ANKS1B: variants seen among roughly 807,000 people sequenced by gnomAD.
ANKS1B encodes the protein ankyrin repeat and sterile alpha motif domain containing 1B.
A neutral mutation model predicts 148.3 loss-of-function variants in ANKS1B; 36 were observed. The ratio of observed to expected loss-of-function variants is 0.24; its 90% CI spans 0.19 to 0.32. The LOEUF (loss-of-function observed/expected upper bound fraction) is 0.32, where lower values mean the gene tolerates loss of function less well. Among genes scored for constraint, ANKS1B ranks in the 10% least tolerant of loss-of-function variants. ANKS1B has a pLI of 1.00. For missense variants in ANKS1B, 1,157 were observed against 1,542.6 expected (o/e 0.75, Z 4.19); for synonymous variants, 542 against 560.8 (o/e 0.97, Z 0.47).
chr12:99,703,487 T>C (rs549711192), intron 8 of ANKS1B, among the ~76,000 whole-genome samples: 158 of 152,282 alleles, frequency 1.0e-3, no homozygotes, highest in African/African-American at 3.7e-3. Flanking sequence ...TTTCTTTACG[T>C]TTCAGTATCC....
intron 12 of ANKS1B, 37 bp from the exon 13 acceptor site, chr12:99,246,901 G>C (rs1038253109): frequency 1.2e-5 from 18 of 1,491,568 alleles, no homozygotes; most frequent in Middle Eastern, 2.1e-4. Context: ...GGTTTATAAA[G>C]GTTCTGAAAG....
At chr12:98,911,047 G>T (rs555195351) in intron 17 of ANKS1B, among the ~76,000 whole-genome samples, 11 of 152,218 alleles carry the variant, frequency 7.2e-5, no homozygotes, top group African/African-American at 2.6e-4. Flanking sequence ...GAAGAGCTAC[G>T]GGATTTCAAT....
At chr12:99,282,526 G>A (rs975735526) in intron 12 of ANKS1B, among the ~76,000 whole-genome samples, 1 of 152,110 alleles carries the variant, frequency 6.6e-6, no homozygotes, top group African/African-American at 2.4e-5. Flanking sequence ...AGAGAAGGTC[G>A]AAGCAGGCCA....
intron 17 of ANKS1B, among the ~76,000 whole-genome samples, chr12:98,861,239 T>C (rs188064471): frequency 8.5e-5 from 13 of 152,356 alleles, no homozygotes; most frequent in Admixed American, 8.5e-4. Context: ...ACTCTGTTAA[T>C]ATAGATGGAT....
intron 9 of ANKS1B, among the ~76,000 whole-genome samples, chr12:99,633,970 G>T (rs1034664044): frequency 6.6e-6 from 1 of 152,120 alleles, no homozygotes; most frequent in Non-Finnish European, 1.5e-5. Context: ...ATGAGACTAT[G>T]AATTTTGGAC....
chr12:98,772,987 A>G, intron 25 of ANKS1B, 55 bp downstream of exon 25: 2 of 1,595,006 alleles, frequency 1.3e-6, no homozygotes, highest in East Asian at 4.5e-5. Context: ...CTTTCAATAC[A>G]GTCCAGGCCC....
At chr12:99,069,854 C>T (rs752276352) in intron 16 of ANKS1B, among the ~76,000 whole-genome samples, 5 of 152,036 alleles carry the variant, frequency 3.3e-5, no homozygotes, top group African/African-American at 9.7e-5. Context: ...AGTACAGAGA[C>T]GGGGCACTCC....
intron 17 of ANKS1B, among the ~76,000 whole-genome samples, chr12:98,991,488 T>C (rs1170490552): frequency 6.6e-6 from 1 of 152,210 alleles, no homozygotes; most frequent in African/African-American, 2.4e-5. Flanking sequence ...ATCAAGTACT[T>C]TCATTGAATC....
At chr12:99,290,949 A>C (rs1602475968) in intron 12 of ANKS1B, among the ~76,000 whole-genome samples, 2 of 152,124 alleles carry the variant, frequency 1.3e-5, no homozygotes, top group East Asian at 3.9e-4. Context: ...AGAAAGAAAT[A>C]AAAGGCATTC....
intron 12 of ANKS1B, among the ~76,000 whole-genome samples, chr12:99,358,183 T>G (rs989435689): frequency 6.6e-6 from 1 of 152,130 alleles, no homozygotes; most frequent in Non-Finnish European, 1.5e-5. Context: ...CTGATCTTAA[T>G]TTTTATGTAG....
chr12:99,113,184 T>C (rs1244517046), intron 15 of ANKS1B, among the ~76,000 whole-genome samples: 1 of 152,212 alleles, frequency 6.6e-6, no homozygotes, highest in Non-Finnish European at 1.5e-5. Context: ...TCGTTTTTTT[T>C]CTTGGGCATA....
At position 98,885,589 on chromosome 12, in the gene ANKS1B, C is replaced by T. The variant is rs559066486; in HGVS notation, c.2779-53453G>A. 1.5e-3 allele frequency among the ~76,000 whole-genome samples: 221 copies of T among 152,274 alleles called. 1 individual carries two copies. Among genetic ancestry groups the T allele is most frequent in the African/African-American group, 5.1e-3 (212 of 41,544 alleles). ...AAACCCATCAAGCCCCAGATTATCT[C>T]GAGGATAGCTACTAGCTCTTATGGA... On this transcript the variant is annotated intron_variant, in intron 17 of 26. Coordinates refer to ENST00000683438, the MANE Select transcript of ANKS1B (RefSeq NM_001352186.2).
At chr12:99,205,582 G>A (rs1187871508) in intron 14 of ANKS1B, among the ~76,000 whole-genome samples, 1 of 152,208 alleles carries the variant, frequency 6.6e-6, no homozygotes, top group East Asian at 1.9e-4. Flanking sequence ...TCCTCACGGA[G>A]CCCCAGTCTG....
At chr12:98,948,767 A>AC (rs148793376) in intron 17 of ANKS1B, among the ~76,000 whole-genome samples, 16,701 of 128,962 alleles carry the variant, frequency 0.13, 1,131 homozygotes, top group South Asian at 0.19. Flanking sequence ...ACACACCCAC[A>AC]CCCCCCCCCA....
chr12:99,789,318 C>T (rs1253153999), intron 4 of ANKS1B, among the ~76,000 whole-genome samples: 1 of 152,120 alleles, frequency 6.6e-6, no homozygotes, highest in African/African-American at 2.4e-5. Flanking sequence ...GCCCAAGTCC[C>T]TTCAAATGCC....
intron 14 of ANKS1B, among the ~76,000 whole-genome samples, chr12:99,168,910 T>G (rs1423999507): frequency 1.3e-5 from 2 of 152,244 alleles, no homozygotes; most frequent in African/African-American, 4.8e-5. Context: ...ATAACTGCAT[T>G]AAAATAAACC....
intron 8 of ANKS1B, among the ~76,000 whole-genome samples, chr12:99,718,324 G>A (rs1316896184): frequency 6.6e-6 from 1 of 151,818 alleles, no homozygotes; most frequent in Non-Finnish European, 1.5e-5. Flanking sequence ...GTATCTCATT[G>A]CCACCCTTCT....
intron 14 of ANKS1B, among the ~76,000 whole-genome samples, chr12:99,182,754 T>C (rs2079277233): frequency 6.6e-6 from 1 of 152,154 alleles, no homozygotes; most frequent in African/African-American, 2.4e-5. Flanking sequence ...TGCATAATGG[T>C]GGTTCTAATT....
intron 9 of ANKS1B, among the ~76,000 whole-genome samples, chr12:99,606,888 A>C (rs999637294): frequency 6.6e-6 from 1 of 152,108 alleles, no homozygotes; most frequent in Non-Finnish European, 1.5e-5. Context: ...TGTCCTAACC[A>C]AAGCCTCTGA....
Sources: gnomAD v4.1 joint callset for allele counts (sites outside exome capture counted in the v4.1 genomes callset) on GRCh38, gnomAD v4.1.1 for gene constraint, MANE v1.5 for transcripts, NCBI Gene and HGNC (gene_info 2026-07-23, HGNC 2026-07-21) for gene names.